TXLNB: variants seen among roughly 807,000 people sequenced by gnomAD.
TXLNB encodes beta-taxilin.
In TXLNB, 37 loss-of-function variants were observed where a neutral mutation model predicts 57.4. The ratio of observed to expected loss-of-function variants is 0.64; its 90% CI spans 0.50 to 0.85. TXLNB has a LOEUF of 0.85. Ranked by LOEUF, TXLNB falls within the 40% of genes least tolerant of loss-of-function variation. The pLI is 0.00. For missense variants in TXLNB, 848 were observed against 825.6 expected (o/e 1.03, Z -0.33); for synonymous variants, 302 against 309.6 (o/e 0.98, Z 0.26).
the TXLNB span, among the ~76,000 whole-genome samples, chr6:139,217,411 ATATT>A: frequency 6.6e-6 from 1 of 152,234 alleles, no homozygotes; most frequent in East Asian, 1.9e-4. Flanking sequence ...TGACAACTGA[ATATT>A]TATGAGTGAA....
chr6:139,166,195 A>G, the TXLNB span: 74 of 1,057,076 alleles, frequency 7.0e-5, 2 homozygotes, highest in African/African-American at 1.0e-3. Flanking sequence ...CATGTCTTAG[A>G]AAAACCTTAT....
chr6:139,231,417 G>A, the TXLNB span, among the ~76,000 whole-genome samples: 1 of 152,120 alleles, frequency 6.6e-6, no homozygotes, highest in African/African-American at 2.4e-5. Flanking sequence ...TCAAGGTGTG[G>A]GTGGTCGTGA....
chr6:139,272,917 C>G (rs533638354), intron 3 of TXLNB, among the ~76,000 whole-genome samples: 3 of 152,152 alleles, frequency 2.0e-5, no homozygotes, highest in Non-Finnish European at 4.4e-5. Context: ...GCCTGTAATT[C>G]CAGCTACTTG....
the TXLNB span, chr6:139,183,118 A>ATGTT: frequency 6.6e-6 from 1 of 152,232 alleles, no homozygotes; most frequent in Non-Finnish European, 1.5e-5. Context: ...CACATGGTAA[A>ATGTT]TGTTTGTGAA....
At position 139,255,587 on chromosome 6, in the gene TXLNB, G is replaced by C; in HGVS notation, c.1054C>G (p.Gln352Glu). The C allele has an allele frequency of 1.2e-6, 2 of 1,613,804 alleles. No individual in the cohort carries two copies. Among genetic ancestry groups the C allele is most frequent in the South Asian group, 1.1e-5 (1 of 91,068 alleles). Residue 352 changes from glutamine (Q) to glutamate (E), a missense_variant, in exon 7 of 10, where the codon CAA becomes GAA. By Grantham distance (29) the Gln-to-Glu change is conservative. Coordinates refer to ENST00000358430, the MANE Select transcript of TXLNB (RefSeq NM_153235.4). Reference protein sequence around the residue: ...WKLQAKVLKEQETVLQAQLTL... With the variant: ...WKLQAKVLKEEETVLQAQLTL... The stretch of plus-strand genomic sequence containing the variant: ...ACCTGAGCCTGCAGGACTGTCTCTT[G>C]CTCCTTCAGCACTTTCGCCTGAAGT...
At chr6:139,307,552 C>G in the TXLNB span, among the ~76,000 whole-genome samples, 1 of 152,136 alleles carries the variant, frequency 6.6e-6, no homozygotes, top group African/African-American at 2.4e-5. Context: ...TAGTTTTTGT[C>G]TATAGTAACA....
At chr6:139,299,605 A>C in the TXLNB span, among the ~76,000 whole-genome samples, 3 of 152,166 alleles carry the variant, frequency 2.0e-5, no homozygotes, top group African/African-American at 7.2e-5. Flanking sequence ...TGGTGAGGGA[A>C]GGGACCTCAC....
downstream of TXLNB, among the ~76,000 whole-genome samples, chr6:139,237,125 C>T (rs1030936852): frequency 6.6e-6 from 1 of 152,130 alleles, no homozygotes; most frequent in Non-Finnish European, 1.5e-5. Context: ...ACGGTTTTAT[C>T]TTATATGTCA....
At chr6:139,277,114 G>T in intron 2 of TXLNB, 193 bp from the exon 3 acceptor site, 1 of 536,878 alleles carries the variant, frequency 1.9e-6, no homozygotes, top group Non-Finnish European at 3.2e-6. Flanking sequence ...GGAAGTTTGT[G>T]AATGTGTGGT....
At position 139,242,518 on chromosome 6, in the gene TXLNB, G is replaced by A. The variant is rs41289817; in HGVS notation, c.*8C>T. 0.088 allele frequency: 130,167 copies of A among 1,485,546 alleles called. 6,106 individuals carry two copies. The highest frequency in any genetic ancestry group is 0.11 in the Middle Eastern group (431 of 3,864). The allele number at this position is 1,485,546 out of a possible 1,614,324, so 92.0% of individuals were successfully genotyped here. A position where few individuals can be genotyped will look rare whatever the true frequency, so the allele number is the denominator to read the frequency against. ...GGCAGGAAGAAGCCTCTGAAGGCAC[G>A]GTGAGGCTTAGTCGACGCCTTCCAG... On this transcript the variant is annotated 3_prime_UTR_variant, in exon 10 of 10. Transcript: ENST00000358430.
chr6:139,211,059 G>A, the TXLNB span, among the ~76,000 whole-genome samples: 3 of 152,228 alleles, frequency 2.0e-5, no homozygotes, highest in Non-Finnish European at 4.4e-5. Context: ...TGGGGGCAGG[G>A]CACAGACAAA....
the TXLNB span, among the ~76,000 whole-genome samples, chr6:139,162,370 A>G: frequency 1.3e-5 from 2 of 152,142 alleles, no homozygotes; most frequent in African/African-American, 4.8e-5. Flanking sequence ...TTTTCATTTC[A>G]TTCTTCTGAA....
At chr6:139,270,662 G>C (rs540568187) in intron 3 of TXLNB, 36 bp from the exon 4 acceptor site, 1 of 1,595,642 alleles carries the variant, frequency 6.3e-7, no homozygotes, top group Non-Finnish European at 8.6e-7. Context: ...AAAGAAAATG[G>C]CAGGGATCTC....
chr6:139,260,558 T>C (rs1403297934), intron 5 of TXLNB, 121 bp from the exon 6 acceptor site: 1 of 1,082,686 alleles, frequency 9.2e-7, no homozygotes, highest in African/African-American at 1.6e-5. Flanking sequence ...AAGAGAGGGA[T>C]AAATGCATTG....
the TXLNB span, among the ~76,000 whole-genome samples, chr6:139,317,824 T>G: frequency 6.6e-6 from 1 of 152,058 alleles, no homozygotes; most frequent in Non-Finnish European, 1.5e-5. Flanking sequence ...TAATCAAAAT[T>G]AAGATCTCAT....
At chr6:139,167,143 GGAAGACTTGC>G in the TXLNB span, 1 of 1,614,180 alleles carries the variant, frequency 6.2e-7, no homozygotes, top group East Asian at 2.2e-5. Context: ...TGGGCCAGGG[GGAAGACTTGC>G]GGAAGTTCAT....
At chr6:139,166,465 G>A in the TXLNB span, 14 of 1,614,200 alleles carry the variant, frequency 8.7e-6, no homozygotes, top group South Asian at 9.9e-5. Flanking sequence ...TCGGCCGCGC[G>A]CGCAGCTGGA....
the TXLNB span, among the ~76,000 whole-genome samples, chr6:139,207,015 T>C: frequency 6.6e-6 from 1 of 151,858 alleles, no homozygotes; most frequent in Non-Finnish European, 1.5e-5. Context: ...ATGAGATGGA[T>C]AGGAACAAAA....
At chr6:139,160,815 C>T in the TXLNB span, among the ~76,000 whole-genome samples, 25 of 152,090 alleles carry the variant, frequency 1.6e-4, no homozygotes, top group East Asian at 3.9e-4. Flanking sequence ...TGAAATACAG[C>T]GGTATAAAAT....
Sources: allele counts gnomAD v4.1 joint callset (sites outside exome capture counted in the v4.1 genomes callset), GRCh38; gene constraint gnomAD v4.1.1; transcripts MANE v1.5; gene names NCBI Gene and HGNC (gene_info 2026-07-23, HGNC 2026-07-21).